The following CTNNA1 variants were observed in gnomAD, a reference collection of about 807,000 sequenced individuals.
CTNNA1 encodes the protein catenin alpha-1.
Under a neutral mutation model 98.4 loss-of-function variants are expected in CTNNA1, and 37 were observed. That is an observed-to-expected ratio of 0.38 (90% confidence interval 0.29 to 0.49). The LOEUF (loss-of-function observed/expected upper bound fraction) is 0.49. CTNNA1 is among the 20% of genes least tolerant of loss of function. The probability of loss-of-function intolerance (pLI) is 0.95; values close to 1 mark genes in which losing one functional copy is unlikely to be tolerated. For synonymous variants in CTNNA1, 404 were observed against 413.2 expected (o/e 0.98, Z 0.27); for missense variants, 761 against 1,147.2 (o/e 0.66, Z 4.86).
intron 1 of CTNNA1, among the ~76,000 whole-genome samples, chr5:138,760,365 TTCATACTTTTTTTTTTGGAGG>T (rs1185923156): frequency 1.9e-5 from 2 of 107,960 alleles, no homozygotes; most frequent in Non-Finnish European, 3.9e-5. Context: ...TGTTTATCCA[TTCATACTTTTTTTTTTGGAGG>T]GGACAGAGTC....
chr5:138,757,739 G>C (rs749925039), intron 1 of CTNNA1, among the ~76,000 whole-genome samples: 6 of 142,678 alleles, frequency 4.2e-5, no homozygotes, highest in Non-Finnish European at 7.4e-5. Flanking sequence ...CTTAGTTCTT[G>C]TCTTGGTGCT....
At chr5:138,925,165 C>G in intron 12 of CTNNA1, 91 bp from the exon 13 acceptor site, 1 of 1,423,152 alleles carries the variant, frequency 7.0e-7, no homozygotes, top group South Asian at 1.3e-5. Flanking sequence ...ATAAGCCTCA[C>G]CTCTTTCTGT....
At chr5:138,913,583 CAA>C (rs66895615) in intron 10 of CTNNA1, among the ~76,000 whole-genome samples, 93 of 129,998 alleles carry the variant, frequency 7.2e-4, no homozygotes, top group African/African-American at 7.1e-4. Flanking sequence ...GACCCTGTCT[CAA>C]AAAAAAAAAA....
chr5:138,810,031 A>G lies in CTNNA1; in HGVS notation c.302-7A>G, dbSNP rs878854470. 32 of 1,594,288 alleles carry G rather than the reference A, an allele frequency of 2.0e-5. No individual in the cohort carries two copies. In the Admixed American group the frequency reaches 4.9e-4, roughly 24 times the overall value. On this transcript the variant is annotated splice_polypyrimidine_tract_variant and splice_region_variant and intron_variant, in intron 3 of 17. Transcript: ENST00000302763. ...TTGCTGAGTTTGTTTTTCATTCTGTAAAACAGGTGATTTGATGAAGGCTGC... is the reference window on the plus strand; with the variant it reads ...TTGCTGAGTTTGTTTTTCATTCTGTGAAACAGGTGATTTGATGAAGGCTGC...
chr5:138,929,805 T>C (rs1764919088), intron 14 of CTNNA1, among the ~76,000 whole-genome samples: 1 of 152,226 alleles, frequency 6.6e-6, no homozygotes, highest in South Asian at 2.1e-4. Context: ...CTTCAATCAA[T>C]AGCATTTATG....
intron 5 of CTNNA1, among the ~76,000 whole-genome samples, chr5:138,820,535 C>A (rs1014206364): frequency 6.6e-6 from 1 of 152,028 alleles, no homozygotes; most frequent in African/African-American, 2.4e-5. Flanking sequence ...CTCTTGCTTA[C>A]CTCCTCGAAG....
intron 3 of CTNNA1, among the ~76,000 whole-genome samples, chr5:138,794,248 C>T (rs918935967): frequency 7.9e-5 from 12 of 152,072 alleles, no homozygotes; most frequent in Non-Finnish European, 2.9e-5. Context: ...AACTCCTGAC[C>T]TCAGGTGATC....
intron 4 of CTNNA1, among the ~76,000 whole-genome samples, chr5:138,811,681 C>T (rs62381183): frequency 0.64 from 97,245 of 150,880 alleles, 32,074 homozygotes; most frequent in East Asian, 0.89. Flanking sequence ...CTCTGGAGGC[C>T]GAGGCTGGCG....
chr5:138,775,001 T>C (rs1753947114), intron 1 of CTNNA1, among the ~76,000 whole-genome samples: 1 of 152,224 alleles, frequency 6.6e-6, no homozygotes, highest in Admixed American at 6.5e-5. Context: ...ATGTTTTTTG[T>C]TCAAGAAAAA....
At chr5:138,776,988 T>G (rs1425381607) in intron 1 of CTNNA1, among the ~76,000 whole-genome samples, 4 of 87,576 alleles carry the variant, frequency 4.6e-5, no homozygotes, top group South Asian at 4.7e-4. Flanking sequence ...GCGGCTGGCC[T>G]GGCGGGGGCT....
chr5:138,801,495 C>T (rs1447847036), intron 3 of CTNNA1, among the ~76,000 whole-genome samples: 1 of 152,146 alleles, frequency 6.6e-6, no homozygotes, highest in Non-Finnish European at 1.5e-5. Flanking sequence ...ACAAAATCCA[C>T]GTATAAATAA....
intron 7 of CTNNA1, among the ~76,000 whole-genome samples, chr5:138,885,644 A>T (rs915624059): frequency 2.0e-4 from 31 of 152,170 alleles, no homozygotes; most frequent in Non-Finnish European, 2.6e-4. Flanking sequence ...ATTAAAGCTT[A>T]GTCTAGGATT....
intron 3 of CTNNA1, among the ~76,000 whole-genome samples, chr5:138,787,625 G>T (rs1173236042): frequency 2.0e-5 from 3 of 152,142 alleles, no homozygotes; most frequent in Admixed American, 1.3e-4. Flanking sequence ...CTTCAAAAAG[G>T]TAGTTATTTA....
At chr5:138,756,027 C>CTTATTTAT (rs142619332) in intron 1 of CTNNA1, among the ~76,000 whole-genome samples, 3 of 143,862 alleles carry the variant, frequency 2.1e-5, no homozygotes, top group Admixed American at 7.1e-5. Flanking sequence ...CCACGCCCGG[C>CTTATTTAT]TTATTTATTT....
chr5:138,925,497 C>G, intron 13 of CTNNA1, 90 bp downstream of exon 13: 1 of 1,478,880 alleles, frequency 6.8e-7, no homozygotes, highest in Admixed American at 2.0e-5. Flanking sequence ...TCGGCAGATG[C>G]GGTGGCAGTA....
intron 1 of CTNNA1, among the ~76,000 whole-genome samples, chr5:138,770,604 A>G (rs1009093968): frequency 1.3e-5 from 2 of 152,122 alleles, no homozygotes; most frequent in Non-Finnish European, 2.9e-5. Context: ...TCCTCCAGAT[A>G]CTCACTTGAT....
At position 138,873,402 on chromosome 5, in the gene CTNNA1, A is replaced by T. The variant is rs1298420084; in HGVS notation, c.1063-12810A>T. On this transcript the variant is annotated intron_variant, in intron 7 of 17. Transcript: ENST00000302763. The surrounding 1 kb of genome is among the most constrained non-coding windows in gnomAD (Gnocchi z 6.1). The stretch of plus-strand genomic sequence containing the variant: ...TTGTCTCCCACATGGTAACTTGATG[A>T]GCTTATTCTTTTTGTATATTCAGTG... The T allele has an allele frequency of 3.1e-6, 5 of 1,613,794 alleles. No homozygotes were observed. Among genetic ancestry groups the T allele is most frequent in the Non-Finnish European group, 4.2e-6 (5 of 1,179,886 alleles).
At chr5:138,766,454 T>TC (rs1752950327) in intron 1 of CTNNA1, among the ~76,000 whole-genome samples, 2 of 149,956 alleles carry the variant, frequency 1.3e-5, no homozygotes, top group South Asian at 4.2e-4. Context: ...ATGTTTTGTT[T>TC]TTTTTTTTTT....
chr5:138,853,351 T>C (rs1442249237), intron 7 of CTNNA1, among the ~76,000 whole-genome samples: 2 of 152,176 alleles, frequency 1.3e-5, no homozygotes, highest in Admixed American at 6.5e-5. Flanking sequence ...AAGTGTCTGT[T>C]TGTATTCTTT....
Sources: allele counts gnomAD v4.1 joint callset (sites outside exome capture counted in the v4.1 genomes callset), GRCh38; gene constraint gnomAD v4.1.1; non-coding constraint Gnocchi (gnomAD v3.1); transcripts MANE v1.5; gene names NCBI Gene and HGNC (gene_info 2026-07-23, HGNC 2026-07-21).